The following MAP3K1 variants were observed in gnomAD, a reference collection of about 807,000 sequenced individuals.
The protein encoded by MAP3K1 is mitogen-activated protein kinase kinase kinase 1.
MAP3K1 carries 36 observed loss-of-function variants against 144.2 expected under a neutral mutation model. The observed-to-expected ratio is 0.25, with a 90% CI of 0.19 to 0.33. MAP3K1 has a LOEUF of 0.33. Among genes scored for constraint, MAP3K1 ranks in the 10% least tolerant of loss-of-function variants. The pLI, the probability that MAP3K1 is intolerant of heterozygous loss-of-function variation, is 1.00. For synonymous variants in MAP3K1, 718 were observed against 688.7 expected (o/e 1.04, Z -0.67); for missense variants, 1,650 against 1,881.9 (o/e 0.88, Z 2.28).
intron 1 of MAP3K1, among the ~76,000 whole-genome samples, chr5:56,824,713 CTG>C (rs1350094499): frequency 6.6e-6 from 1 of 152,164 alleles, no homozygotes; most frequent in Non-Finnish European, 1.5e-5. Flanking sequence ...AAACCTCTAA[CTG>C]TTCTGTAAGA....
intron 1 of MAP3K1, among the ~76,000 whole-genome samples, chr5:56,843,681 C>G (rs1229375395): frequency 6.6e-6 from 1 of 152,190 alleles, no homozygotes; most frequent in African/African-American, 2.4e-5. Context: ...GCTTGAATTT[C>G]TGATGCCCCC....
chr5:56,873,013 GTTCT>G lies in MAP3K1; in HGVS notation c.1686+11_1686+14del, dbSNP rs1747906223. The G allele has an allele frequency of 6.2e-7, 1 of 1,611,958 alleles. No homozygotes were observed. The highest frequency in any genetic ancestry group is 1.3e-5 in the African/African-American group (1 of 74,964). On this transcript the variant is annotated intron_variant, in intron 9 of 19. Transcript: ENST00000399503. ...GCTGAGCCATGGATTCAGGTAAGTA[GTTCT>G]TTGTTTTTCATTTCTCAAAGAAATA...
chr5:56,890,881 C>CA (rs71602968), intron 19 of MAP3K1, among the ~76,000 whole-genome samples: 2,960 of 135,460 alleles, frequency 0.022, 36 homozygotes, highest in Non-Finnish European at 0.032. Flanking sequence ...CCATCTCTAC[C>CA]AAAAAAAAAA....
chr5:56,856,528 A>G lies in MAP3K1; in HGVS notation c.483-72A>G, dbSNP rs1336679866. 3 of 1,299,654 alleles carry G rather than the reference A, an allele frequency of 2.3e-6. No homozygotes were observed. The African/African-American group carries it at 4.4e-5, about 19-fold the overall frequency. 80.5% of individuals were successfully genotyped at this position (1,299,654 alleles called of 1,614,324 possible). A position where few individuals can be genotyped will look rare whatever the true frequency, so the allele number is the denominator to read the frequency against. ...TTGGAAGTATAAAATAGAACCATCC[A>G]TTCTGTTTGTTCTTGGAAATTATTT... On this transcript the variant is annotated intron_variant, in intron 1 of 19. Coordinates refer to ENST00000399503, the MANE Select transcript of MAP3K1 (RefSeq NM_005921.2).
chr5:56,819,023 A>G (rs112785076), intron 1 of MAP3K1, among the ~76,000 whole-genome samples: 3,364 of 151,210 alleles, frequency 0.022, 124 homozygotes, highest in African/African-American at 0.077. Flanking sequence ...AAATAAAGGT[A>G]GTCACATAAG....
chr5:56,854,432 C>CAAAAAAA (rs10647091), intron 1 of MAP3K1, among the ~76,000 whole-genome samples: 14 of 85,066 alleles, frequency 1.6e-4, no homozygotes, highest in African/African-American at 3.0e-4. Context: ...AACTCCATCT[C>CAAAAAAA]AAAAAAAAAA....
intron 1 of MAP3K1, among the ~76,000 whole-genome samples, chr5:56,843,571 T>G (rs1746883117): frequency 6.6e-6 from 1 of 152,224 alleles, no homozygotes; most frequent in Non-Finnish European, 1.5e-5. Flanking sequence ...TTTTTTGCTT[T>G]CACCCCAGAC....
At chr5:56,823,296 GC>G (rs1208812476) in intron 1 of MAP3K1, among the ~76,000 whole-genome samples, 2 of 152,092 alleles carry the variant, frequency 1.3e-5, no homozygotes, top group Admixed American at 6.5e-5. Flanking sequence ...CTCACTCACT[GC>G]CTTCTTCTAT....
At position 56,882,046 on chromosome 5, in the gene MAP3K1, C is replaced by T; in HGVS notation, c.2846C>T (p.Thr949Ile). The T allele has an allele frequency of 3.3e-6, 5 of 1,519,790 alleles. No homozygotes were observed. The highest frequency in any genetic ancestry group is 4.5e-6 in the Non-Finnish European group (5 of 1,099,908). 94.1% of individuals were successfully genotyped at this position (1,519,790 alleles called of 1,614,324 possible). Residue 949 changes from threonine (T) to isoleucine (I), a missense_variant, in exon 14 of 20, where the codon ACA becomes ATA. Transcript: ENST00000399503. ...TCAACAACAACAACAACAACAACAA[C>T]AGAGCAACCAAAGCCAATGGTTCAA... ...SSSTTTTTTT[T>I]EQPKPMVQTK...
intron 3 of MAP3K1, among the ~76,000 whole-genome samples, chr5:56,860,181 A>G (rs576033883): frequency 6.6e-6 from 1 of 152,314 alleles, no homozygotes; most frequent in Non-Finnish European, 1.5e-5. Flanking sequence ...CCTTTTCCCA[A>G]TTTAAGGCTA....
chr5:56,817,173 A>G (rs1746003956), intron 1 of MAP3K1: 4 of 850,892 alleles, frequency 4.7e-6, no homozygotes, highest in South Asian at 5.4e-5. Context: ...GGAAATTTTT[A>G]TGTTAAAGGA....
At chr5:56,827,332 G>A (rs1026873612) in intron 1 of MAP3K1, among the ~76,000 whole-genome samples, 1 of 152,220 alleles carries the variant, frequency 6.6e-6, no homozygotes, top group Non-Finnish European at 1.5e-5. Context: ...TAACCACAGA[G>A]TGTTAGGAAG....
chr5:56,868,194 T>A (rs984281820), intron 6 of MAP3K1, among the ~76,000 whole-genome samples: 4 of 152,270 alleles, frequency 2.6e-5, no homozygotes, highest in Middle Eastern at 6.8e-3. Flanking sequence ...AAAGACGATA[T>A]ATAAATGAAC....
Position 56,815,778 on chromosome 5 carries a change from G to C in MAP3K1, c.205G>C (p.Glu69Gln), listed in dbSNP as rs1339726940. The part of the protein sequence containing the change: ...RRQLRKVRSV[E>Q]LDQLPEQPLF... The stretch of plus-strand genomic sequence containing the variant: ...GCAGCTGCGCAAAGTGCGGAGTGTG[G>C]AGCTGGACCAGCTGCCTGAGCAGCC... The change falls in exon 1 of 20, where the codon GAG becomes CAG. Residue 69 changes from glutamate to glutamine, a missense_variant. Around this residue, in one of 6 missense-constraint regions of MAP3K1, gnomAD observed 360 missense variants for 274.7 expected, o/e 1.31. Transcript: ENST00000399503. 1 of 1,419,406 alleles carries C rather than the reference G, an allele frequency of 7.0e-7. No individual in the cohort carries two copies. The highest frequency in any genetic ancestry group is 2.5e-5 in the Admixed American group (1 of 40,330). 87.9% of individuals were successfully genotyped at this position (1,419,406 alleles called of 1,614,324 possible).
chr5:56,882,380 A>T lies in MAP3K1; in HGVS notation c.3180A>T (p.Pro1060=), dbSNP rs1561200352. Residue 1060 remains proline (P), a synonymous_variant, in exon 14 of 20, where the codon CCA becomes CCT. Coordinates refer to ENST00000399503, the MANE Select transcript of MAP3K1 (RefSeq NM_005921.2). ...TGCCCTCCAGTAACATACACAGGCCAAAGCCATCTAGACCTACCCCAGGTA... is the reference window on the plus strand; with the variant it reads ...TGCCCTCCAGTAACATACACAGGCCTAAGCCATCTAGACCTACCCCAGGTA... The part of the protein sequence containing the change: ...RPLPSSNIHR[P]KPSRPTPGNT... 6.2e-7 allele frequency: 1 copy of T among 1,614,166 alleles called. No homozygotes were observed. Among genetic ancestry groups the T allele is most frequent in the Admixed American group, 1.7e-5 (1 of 60,008 alleles).
chr5:56,882,983 G>A (rs1748272382), intron 14 of MAP3K1, 117 bp downstream of exon 14: 1 of 794,022 alleles, frequency 1.3e-6, no homozygotes, highest in South Asian at 1.7e-5. Context: ...GAGCACAGGA[G>A]TTCGAAACTA....
chr5:56,836,789 C>T (rs1350448466), intron 1 of MAP3K1, among the ~76,000 whole-genome samples: 1 of 152,020 alleles, frequency 6.6e-6, no homozygotes, highest in African/African-American at 2.4e-5. Context: ...GGAAAGGGAC[C>T]CAGGAGTGTC....
At chr5:56,824,903 C>T (rs936832111) in intron 1 of MAP3K1, among the ~76,000 whole-genome samples, 3 of 152,006 alleles carry the variant, frequency 2.0e-5, no homozygotes, top group Non-Finnish European at 4.4e-5. Flanking sequence ...ATCACCACTA[C>T]CACTAATATA....
intron 1 of MAP3K1, among the ~76,000 whole-genome samples, chr5:56,842,477 C>T (rs573330113): frequency 6.6e-6 from 1 of 152,246 alleles, no homozygotes; most frequent in South Asian, 2.1e-4. Context: ...ATGGACAATA[C>T]CTAGAGTAGT....
Sources: gnomAD v4.1 joint callset for allele counts (sites outside exome capture counted in the v4.1 genomes callset) on GRCh38, gnomAD v4.1.1 for gene constraint, gnomAD v4.1.1 regional missense constraint, MANE v1.5 for transcripts, NCBI Gene and HGNC (gene_info 2026-07-23, HGNC 2026-07-21) for gene names.